Variants in ADAMTS19 observed in about 807,000 individuals in gnomAD.
ADAMTS19 encodes ADAM metallopeptidase with thrombospondin type 1 motif 19, also known as A disintegrin and metalloproteinase with thrombospondin motifs 19.
ADAMTS19 carries 93 observed loss-of-function variants against 153.3 expected under a neutral mutation model. The observed-to-expected ratio is 0.61, with a 90% CI of 0.51 to 0.72. ADAMTS19 has a LOEUF of 0.72. ADAMTS19 is among the 30% of genes least tolerant of loss of function. The pLI, the probability that ADAMTS19 is intolerant of heterozygous loss-of-function variation, is 0.00. For synonymous variants in ADAMTS19, 600 were observed against 556.6 expected, an observed-to-expected ratio of 1.08 and a Z score of -1.10; for missense variants, 1,482 against 1,552.1, an observed-to-expected ratio of 0.95 and a Z score of 0.76.
At chr5:129,635,647 A>G (rs1368519627) in intron 10 of ADAMTS19, among the ~76,000 whole-genome samples, 1 of 152,232 alleles carries the variant, frequency 6.6e-6, no homozygotes, top group East Asian at 1.9e-4. Flanking sequence ...AAACTAATGC[A>G]GGAACAGAAA....
At chr5:129,619,670 A>G (rs1283196429) in intron 8 of ADAMTS19, among the ~76,000 whole-genome samples, 2 of 151,992 alleles carry the variant, frequency 1.3e-5, no homozygotes, top group Admixed American at 1.3e-4. Context: ...TAAAGATTAG[A>G]GGGACAGAAT....
At chr5:129,645,368 A>G (rs945401996) in intron 11 of ADAMTS19, among the ~76,000 whole-genome samples, 39 of 152,228 alleles carry the variant, frequency 2.6e-4, no homozygotes, top group Admixed American at 2.6e-3. Context: ...AACATATTGT[A>G]TAATAGTTTA....
chr5:129,725,299 C>T (rs1003867310), intron 21 of ADAMTS19, among the ~76,000 whole-genome samples: 3 of 152,114 alleles, frequency 2.0e-5, no homozygotes, highest in Non-Finnish European at 4.4e-5. Context: ...TGTTGGCATG[C>T]TTCTGGGGTC....
At position 129,673,486 on chromosome 5, in the gene ADAMTS19, G is replaced by C. The variant is rs79232085; in HGVS notation, c.2507-6278G>C. ...ATAGATATATTGTTACTGATTTTTA[G>C]TTTAAATCTGTTCTGATAAGAGAAT... On this transcript the variant is annotated intron_variant, in intron 16 of 22. Coordinates refer to ENST00000274487, the MANE Select transcript of ADAMTS19 (RefSeq NM_133638.6). Among the ~76,000 whole-genome samples the C allele has an allele frequency of 1.9e-3, 292 of 151,936 alleles. 1 individual carries two copies. Among genetic ancestry groups the C allele is most frequent in the African/African-American group, 6.6e-3 (274 of 41,458 alleles).
chr5:129,658,559 T>G, intron 14 of ADAMTS19, 58 bp from the exon 15 acceptor site: 2 of 1,565,760 alleles, frequency 1.3e-6, no homozygotes, highest in South Asian at 2.4e-5. Flanking sequence ...CCCAAATTAG[T>G]AGTAAAACAA....
intron 7 of ADAMTS19, 44 bp downstream of exon 7, chr5:129,551,951 G>A: frequency 1.5e-6 from 2 of 1,298,334 alleles, no homozygotes; most frequent in Non-Finnish European, 2.1e-6. Flanking sequence ...TGGAGAACTT[G>A]AACATATCAC....
intron 7 of ADAMTS19, among the ~76,000 whole-genome samples, chr5:129,555,409 T>A (rs1753279892): frequency 6.6e-6 from 1 of 152,142 alleles, no homozygotes; most frequent in Non-Finnish European, 1.5e-5. Flanking sequence ...CTGAACTCCC[T>A]AGTTTTGTTA....
At chr5:129,538,861 A>G (rs1752554620) in intron 6 of ADAMTS19, among the ~76,000 whole-genome samples, 1 of 152,166 alleles carries the variant, frequency 6.6e-6, no homozygotes, top group South Asian at 2.1e-4. Context: ...TATAACTTTT[A>G]AATATATTGT....
At chr5:129,654,230 C>T in intron 13 of ADAMTS19, 76 bp from the exon 14 acceptor site, 2 of 1,388,432 alleles carry the variant, frequency 1.4e-6, no homozygotes, top group African/African-American at 2.9e-5. Flanking sequence ...AATAACGATT[C>T]TTAAAAATGA....
At chr5:129,684,092 C>T in intron 17 of ADAMTS19, 28 bp from the exon 18 acceptor site, 3 of 1,597,852 alleles carry the variant, frequency 1.9e-6, no homozygotes, top group Non-Finnish European at 2.6e-6. Context: ...TTTGACCCAT[C>T]TGCCTTGATC....
intron 10 of ADAMTS19, among the ~76,000 whole-genome samples, chr5:129,622,885 A>G (rs990953205): frequency 1.3e-5 from 2 of 152,162 alleles, no homozygotes; most frequent in Non-Finnish European, 2.9e-5. Context: ...TGTATTATTT[A>G]TATTGTTGTA....
chr5:129,634,224 C>T (rs1034608954), intron 10 of ADAMTS19, among the ~76,000 whole-genome samples: 2 of 152,042 alleles, frequency 1.3e-5, no homozygotes, highest in Non-Finnish European at 2.9e-5. Flanking sequence ...GGAATACAGC[C>T]AAGCAGGGAG....
At chr5:129,524,896 G>T (rs576426390) in intron 3 of ADAMTS19, among the ~76,000 whole-genome samples, 3 of 152,028 alleles carry the variant, frequency 2.0e-5, no homozygotes, top group Non-Finnish European at 4.4e-5. Flanking sequence ...AGGCTTTGAT[G>T]TGTCTTTAAA....
intron 7 of ADAMTS19, among the ~76,000 whole-genome samples, chr5:129,581,805 T>C (rs756226637): frequency 6.6e-6 from 1 of 152,202 alleles, no homozygotes; most frequent in Non-Finnish European, 1.5e-5. Context: ...ATGTTGTATC[T>C]TTGTTCTCAT....
Position 129,497,661 on chromosome 5 carries a change from C to A in ADAMTS19, c.748-11416C>A, listed in dbSNP as rs117640248. ...AAGCTAGAAACTTTGGAGTAATCCT[C>A]AATTCTTCTGTGCCACTGTTCCCCC... On this transcript the variant is annotated intron_variant, in intron 2 of 22. Coordinates refer to ENST00000274487, the MANE Select transcript of ADAMTS19 (RefSeq NM_133638.6). Among the ~76,000 whole-genome samples, 3 of 152,226 alleles carry A rather than the reference C, an allele frequency of 2.0e-5. No individual in the cohort carries two copies. In the East Asian group the frequency reaches 5.8e-4, roughly 29 times the overall value.
chr5:129,506,711 G>C (rs1384718805), intron 2 of ADAMTS19, among the ~76,000 whole-genome samples: 1 of 151,768 alleles, frequency 6.6e-6, no homozygotes, highest in African/African-American at 2.4e-5. Flanking sequence ...GACTTTGTGA[G>C]TTTTTCAGCC....
chr5:129,546,405 G>T (rs1752862777), intron 6 of ADAMTS19, among the ~76,000 whole-genome samples: 1 of 150,512 alleles, frequency 6.6e-6, no homozygotes, highest in Admixed American at 6.6e-5. Flanking sequence ...TTAAAAAAAA[G>T]AGAAGATAAA....
intron 19 of ADAMTS19, among the ~76,000 whole-genome samples, chr5:129,696,717 G>A (rs1022259831): frequency 6.6e-6 from 1 of 152,176 alleles, no homozygotes; most frequent in African/African-American, 2.4e-5. Flanking sequence ...GCCATTGGGG[G>A]AGGGGTGACT....
Position 129,654,314 on chromosome 5 carries a change from T to C in ADAMTS19, c.2185T>C (p.Cys729Arg), listed in dbSNP as rs980117055. The change falls in exon 14 of 23, where the codon TGT (cysteine) becomes CGT (arginine). Residue 729 changes from cysteine to arginine, a missense_variant. Around this residue, in one of 2 missense-constraint regions of ADAMTS19, gnomAD observed 616 missense variants for 724.4 expected, o/e 0.85. Coordinates refer to ENST00000274487, the MANE Select transcript of ADAMTS19 (RefSeq NM_133638.6). ...ATCTACTCTGTATGTAGAAAAACCATGTGCCTTGTTTTGCTCTCCTGTTGG... is the reference window on the plus strand; with the variant it reads ...ATCTACTCTGTATGTAGAAAAACCACGTGCCTTGTTTTGCTCTCCTGTTGG... ...WQAVLDEEKP[C>R]ALFCSPVGKE... 1.2e-6 allele frequency: 2 copies of C among 1,608,362 alleles called. No homozygotes were observed. Among genetic ancestry groups the C allele is most frequent in the African/African-American group, 1.3e-5 (1 of 74,490 alleles).
Sources: gnomAD v4.1 joint callset for allele counts (sites outside exome capture counted in the v4.1 genomes callset) on GRCh38, gnomAD v4.1.1 for gene constraint, gnomAD v4.1.1 regional missense constraint, MANE v1.5 for transcripts, NCBI Gene and HGNC (gene_info 2026-07-23, HGNC 2026-07-21) for gene names.